Variants in NR1I2 observed in about 807,000 individuals in gnomAD.
NR1I2 encodes nuclear receptor subfamily 1 group I member 2, also known as orphan nuclear receptor PAR1.
NR1I2 carries 42 observed loss-of-function variants against 43.3 expected under a neutral mutation model. The observed-to-expected ratio is 0.97, with a 90% confidence interval of 0.76 to 1.26. NR1I2 has a LOEUF of 1.26. Ranked by LOEUF, NR1I2 falls within the 50% of genes most tolerant of loss-of-function variation. The probability of loss-of-function intolerance (pLI) is 0.00; values close to 1 mark genes in which losing one functional copy is unlikely to be tolerated. For missense variants in NR1I2, 559 were observed against 566.7 expected (o/e 0.99, Z 0.14); for synonymous variants, 229 against 215.0 (o/e 1.06, Z -0.57).
chr3:119,792,434 G>A (rs553908905), intron 1 of NR1I2: 17 of 1,178,594 alleles, frequency 1.4e-5, no homozygotes, highest in African/African-American at 1.3e-4. Context: ...TGCAGGGGAC[G>A]GCCTGATGGA....
At chr3:119,806,517 C>T (rs995170554) in intron 1 of NR1I2, among the ~76,000 whole-genome samples, 1 of 152,060 alleles carries the variant, frequency 6.6e-6, no homozygotes, top group African/African-American at 2.4e-5. Flanking sequence ...GATTCCTGGG[C>T]TCAAGCGATC....
At chr3:119,793,535 T>C (rs1393564219) in intron 1 of NR1I2, among the ~76,000 whole-genome samples, 1 of 152,228 alleles carries the variant, frequency 6.6e-6, no homozygotes, top group East Asian at 1.9e-4. Context: ...GCCGTGGCAA[T>C]CCTTGGCTCA....
rs1394375917 is a variant in NR1I2, at chr3:119,794,792, A to T, written c.-22-12437A>T. ...TGTCTCTACTGAAAATACAAAATTAATCTGGTGTAGTGGCCCATGCCTTGC... is the reference window on the plus strand; with the variant it reads ...TGTCTCTACTGAAAATACAAAATTATTCTGGTGTAGTGGCCCATGCCTTGC... On this transcript the variant is annotated intron_variant, in intron 1 of 8. Transcript: ENST00000393716. Among the ~76,000 whole-genome samples, 3 of 152,066 alleles carry T rather than the reference A, an allele frequency of 2.0e-5. No individual in the cohort carries two copies. In the East Asian group the frequency reaches 5.8e-4, roughly 29 times the overall value.
In NR1I2 at chr3:119,817,515, T is replaced by A; in HGVS notation, c.*303T>A. The A allele has an allele frequency of 4.8e-6, 6 of 1,255,450 alleles. No homozygotes were observed. Among genetic ancestry groups the A allele is most frequent in the Non-Finnish European group, 6.1e-6 (6 of 985,690 alleles). 77.8% of individuals were successfully genotyped at this position (1,255,450 alleles called of 1,614,324 possible). On this transcript the variant is annotated 3_prime_UTR_variant, in exon 9 of 9. Coordinates refer to ENST00000393716, the MANE Select transcript of NR1I2 (RefSeq NM_003889.4). ...CCTTTCCTTTTAAAAGGCCCTGTGG[T>A]CTGGGGAGAAATCCCTCAGATCCCA...
intron 1 of NR1I2, among the ~76,000 whole-genome samples, chr3:119,796,459 C>T (rs1009537332): frequency 2.0e-5 from 3 of 152,198 alleles, no homozygotes; most frequent in Non-Finnish European, 2.9e-5. Context: ...GCTTCGCATC[C>T]CTTCCTTGCT....
chr3:119,807,206 C>A, intron 1 of NR1I2, 23 bp from the exon 2 acceptor site: 1 of 1,602,652 alleles, frequency 6.2e-7, no homozygotes, highest in Non-Finnish European at 8.5e-7. Flanking sequence ...TCTTTTCATT[C>A]TCTGTGGTTT....
chr3:119,792,979 G>T (rs2054942512), intron 1 of NR1I2, among the ~76,000 whole-genome samples: 1 of 152,206 alleles, frequency 6.6e-6, no homozygotes, highest in Non-Finnish European at 1.5e-5. Context: ...TGACTGGTTT[G>T]GTACCCTCGG....
chr3:119,792,560 A>T (rs1028904774), intron 1 of NR1I2: 18 of 916,094 alleles, frequency 2.0e-5, no homozygotes, highest in Non-Finnish European at 2.9e-5. Context: ...GTGAGGGCCC[A>T]CCCTGCCTGC....
chr3:119,800,898 A>G (rs143560348), intron 1 of NR1I2, among the ~76,000 whole-genome samples: 2 of 152,244 alleles, frequency 1.3e-5, no homozygotes, highest in Non-Finnish European at 2.9e-5. Context: ...GGAAATGAAG[A>G]AAGTTTAATA....
At position 119,818,207 on chromosome 3, in the gene NR1I2, A is replaced by G; in HGVS notation, c.*995A>G. 1.0e-6 allele frequency: 1 copy of G among 985,748 alleles called. No individual in the cohort carries two copies. 61.1% of individuals were successfully genotyped at this position (985,748 alleles called of 1,614,324 possible). A position where few individuals can be genotyped will look rare whatever the true frequency, so the allele number is the denominator to read the frequency against. Reference sequence around the variant, plus strand: ...TGTTCCTGGGGCTGGAATGCTGGGTATGCTCTGTGACAAGGCTACGCTGAC... The same window carrying G: ...TGTTCCTGGGGCTGGAATGCTGGGTGTGCTCTGTGACAAGGCTACGCTGAC... On this transcript the variant is annotated 3_prime_UTR_variant, in exon 9 of 9. Transcript: ENST00000393716.
At chr3:119,807,190 G>A (rs1470897828) in intron 1 of NR1I2, 39 bp from the exon 2 acceptor site, 10 of 1,570,094 alleles carry the variant, frequency 6.4e-6, no homozygotes, top group Middle Eastern at 1.7e-4. Context: ...ACACATCCCT[G>A]TCCAGTCTTT....
chr3:119,805,733 G>T (rs1175958299), intron 1 of NR1I2, among the ~76,000 whole-genome samples: 2 of 58,334 alleles, frequency 3.4e-5, no homozygotes, highest in East Asian at 9.5e-4. Flanking sequence ...AAAAAGAAAA[G>T]AAAAGAAAAA....
At position 119,817,649 on chromosome 3, in the gene NR1I2, C is replaced by G. The variant is rs551585269; in HGVS notation, c.*437C>G. 21 of 1,133,456 alleles carry G rather than the reference C, an allele frequency of 1.9e-5. No individual in the cohort carries two copies. The highest frequency in any genetic ancestry group is 2.3e-5 in the Non-Finnish European group (21 of 914,228). 70.2% of individuals were successfully genotyped at this position (1,133,456 alleles called of 1,614,324 possible). ...TTCCTGAGTCTTTTCATTGCTACCT[C>G]TAATAGTCCTGTCTCCCACTTCCCA... is the stretch of plus-strand genomic sequence containing the variant. On this transcript the variant is annotated 3_prime_UTR_variant, in exon 9 of 9. Coordinates refer to ENST00000393716, the MANE Select transcript of NR1I2 (RefSeq NM_003889.4).
In NR1I2 at chr3:119,811,731, G is replaced by T; in HGVS notation, c.519+5G>T. 6.2e-7 allele frequency: 1 copy of T among 1,603,238 alleles called. No individual in the cohort carries two copies. Among genetic ancestry groups the T allele is most frequent in the Admixed American group, 1.7e-5 (1 of 58,662 alleles). Reference sequence around the variant, plus strand: ...TCCCATTTCAAGAATTTCCGGGTAGGAGGAACTGCACAGTGACCCGAGGTG... The same window carrying T: ...TCCCATTTCAAGAATTTCCGGGTAGTAGGAACTGCACAGTGACCCGAGGTG... On this transcript the variant is annotated splice_donor_5th_base_variant and intron_variant, in intron 4 of 8. Transcript: ENST00000393716.
At chr3:119,813,988 C>A (rs1402905911) in intron 5 of NR1I2, among the ~76,000 whole-genome samples, 1 of 152,138 alleles carries the variant, frequency 6.6e-6, no homozygotes, top group Non-Finnish European at 1.5e-5. Context: ...AAGGTCACAG[C>A]TAATCAGTGG....
Position 119,815,320 on chromosome 3 carries a change from C to A in NR1I2, c.938-3C>A. On this transcript the variant is annotated splice_region_variant and splice_polypyrimidine_tract_variant and intron_variant, in intron 6 of 8. Transcript: ENST00000393716. ...TGCCCCTCCATCCTGTTACCATCCA[C>A]AGGTGGCTTCCAGCAACTTCTACTG... is the stretch of plus-strand genomic sequence containing the variant. 6.2e-7 allele frequency: 1 copy of A among 1,612,676 alleles called. No homozygotes were observed. Among genetic ancestry groups the A allele is most frequent in the Non-Finnish European group, 8.5e-7 (1 of 1,178,724 alleles).
At chr3:119,786,026 A>C (rs564051673) in intron 1 of NR1I2, among the ~76,000 whole-genome samples, 59 of 152,320 alleles carry the variant, frequency 3.9e-4, no homozygotes, top group Admixed American at 1.1e-3. Context: ...GTTTTATTAA[A>C]TGCTGTTAAG....
Position 119,794,184 on chromosome 3 carries a change from T to G in NR1I2, c.-23+11884T>G, listed in dbSNP as rs926519007. ...ACCAACATGCCTGGCTGAGTTTTTT[T>G]GTTTGTTTGTTTTTTTGGGGTGTTT... On this transcript the variant is annotated intron_variant, in intron 1 of 8. Coordinates refer to ENST00000393716, the MANE Select transcript of NR1I2 (RefSeq NM_003889.4). Among the ~76,000 whole-genome samples, 76 of 151,698 alleles carry G rather than the reference T, an allele frequency of 5.0e-4. 3 individuals are homozygous for G.
At chr3:119,812,654 C>G (rs2055260177) in intron 4 of NR1I2, 32 bp from the exon 5 acceptor site, 1 of 1,612,598 alleles carries the variant, frequency 6.2e-7, no homozygotes, top group Non-Finnish European at 8.5e-7. Context: ...CATGCTGTCT[C>G]TCCTCTGTCC....
Sources: allele counts gnomAD v4.1 joint callset (sites outside exome capture counted in the v4.1 genomes callset), GRCh38; gene constraint gnomAD v4.1.1; transcripts MANE v1.5; gene names NCBI Gene and HGNC (gene_info 2026-07-23, HGNC 2026-07-21).